The following BBS9 variants were observed in gnomAD, a reference collection of about 807,000 sequenced individuals.
The protein encoded by BBS9 is Bardet-Biedl syndrome 9.
In BBS9, 89 loss-of-function variants were observed where a neutral mutation model predicts 117.7. The ratio of observed to expected loss-of-function variants is 0.76; its 90% CI spans 0.64 to 0.90. BBS9 has a LOEUF of 0.90. Among genes scored for constraint, BBS9 ranks in the 40% least tolerant of loss-of-function variants. BBS9 has a pLI of 0.00. For missense variants in BBS9, 982 were observed against 1,042.2 expected (o/e 0.94, Z 0.80); for synonymous variants, 379 against 370.9 (o/e 1.02, Z -0.25).
intron 20 of BBS9, among the ~76,000 whole-genome samples, chr7:33,527,614 G>A (rs1325728077): frequency 6.6e-6 from 1 of 152,144 alleles, no homozygotes; most frequent in African/African-American, 2.4e-5. Flanking sequence ...GCTCGCGCAC[G>A]GTGCGCACAC....
intron 9 of BBS9, among the ~76,000 whole-genome samples, chr7:33,278,828 G>T (rs998884012): frequency 1.3e-5 from 2 of 152,190 alleles, no homozygotes; most frequent in Non-Finnish European, 2.9e-5. Flanking sequence ...TGCAAGGGTG[G>T]ATCCTGGATA....
At chr7:33,211,357 G>T (rs915123194) in intron 5 of BBS9, among the ~76,000 whole-genome samples, 2 of 151,824 alleles carry the variant, frequency 1.3e-5, no homozygotes, top group Admixed American at 1.3e-4. Flanking sequence ...TTCCTGTGAG[G>T]CTTGCAAAGA....
chr7:33,563,325 G>C (rs909484741), intron 21 of BBS9, among the ~76,000 whole-genome samples: 1 of 152,086 alleles, frequency 6.6e-6, no homozygotes, highest in African/African-American at 2.4e-5. Flanking sequence ...TCTGGAAATG[G>C]GTTTATTGTT....
intron 19 of BBS9, among the ~76,000 whole-genome samples, chr7:33,486,420 G>A (rs1843119441): frequency 6.6e-6 from 1 of 152,162 alleles, no homozygotes; most frequent in Non-Finnish European, 1.5e-5. Context: ...AGAAAAAGCT[G>A]TAAAGAAATT....
chr7:33,232,218 AT>A (rs1242035857), intron 5 of BBS9, among the ~76,000 whole-genome samples: 1 of 152,132 alleles, frequency 6.6e-6, no homozygotes, highest in Non-Finnish European at 1.5e-5. Flanking sequence ...AATCTTTCTG[AT>A]TTAGTTATCA....
At chr7:33,194,280 G>A (rs1436018593) in intron 5 of BBS9, among the ~76,000 whole-genome samples, 1 of 151,938 alleles carries the variant, frequency 6.6e-6, no homozygotes, top group East Asian at 1.9e-4. Context: ...TCAGAATTTT[G>A]TTTATTCACA....
chr7:33,179,370 G>A (rs947048047), intron 5 of BBS9, among the ~76,000 whole-genome samples: 14 of 152,122 alleles, frequency 9.2e-5, no homozygotes, highest in African/African-American at 3.1e-4. Context: ...GGAGGTGAGC[G>A]GCAGGTGAGT....
At chr7:33,520,302 G>T (rs1336138775) in intron 20 of BBS9, among the ~76,000 whole-genome samples, 1 of 152,138 alleles carries the variant, frequency 6.6e-6, no homozygotes, top group African/African-American at 2.4e-5. Flanking sequence ...GTGAGCCACT[G>T]TGCCCGGCCC....
At chr7:33,294,385 C>T (rs1562951260) in intron 9 of BBS9, among the ~76,000 whole-genome samples, 1 of 151,878 alleles carries the variant, frequency 6.6e-6, no homozygotes, top group Non-Finnish European at 1.5e-5. Context: ...ATCCATCCAT[C>T]CATCCATCCA....
chr7:33,182,869 G>C (rs1219401587), intron 5 of BBS9, among the ~76,000 whole-genome samples: 1 of 151,992 alleles, frequency 6.6e-6, no homozygotes, highest in Non-Finnish European at 1.5e-5. Context: ...CAAAATTAAG[G>C]GTTCCATTTT....
intron 20 of BBS9, among the ~76,000 whole-genome samples, chr7:33,526,321 C>T (rs1411781612): frequency 6.6e-6 from 1 of 152,306 alleles, no homozygotes; most frequent in East Asian, 1.9e-4. Flanking sequence ...GGAAATTCTC[C>T]TGGATAATAT....
chr7:33,567,668 C>T (rs930624310), intron 21 of BBS9, among the ~76,000 whole-genome samples: 6 of 152,162 alleles, frequency 3.9e-5, no homozygotes, highest in African/African-American at 1.4e-4. Flanking sequence ...TTTGAATTCT[C>T]ACCAGGTCTT....
At chr7:33,502,058 T>A (rs950266894) in intron 19 of BBS9, among the ~76,000 whole-genome samples, 3 of 152,126 alleles carry the variant, frequency 2.0e-5, no homozygotes, top group Admixed American at 6.5e-5. Flanking sequence ...TACAGGCACG[T>A]GCCACCATGC....
intron 5 of BBS9, among the ~76,000 whole-genome samples, chr7:33,179,636 G>T (rs1797822323): frequency 6.6e-6 from 1 of 151,984 alleles, no homozygotes; most frequent in African/African-American, 2.4e-5. Context: ...ATCCTACACT[G>T]TGTCGAGTTG....
intron 20 of BBS9, among the ~76,000 whole-genome samples, chr7:33,515,566 G>C (rs1004332966): frequency 1.3e-5 from 2 of 152,170 alleles, no homozygotes; most frequent in Non-Finnish European, 2.9e-5. Flanking sequence ...AAGTTAAGAA[G>C]CCTCTGTTCA....
chr7:33,605,961 A>C lies in BBS9; in HGVS notation c.*735A>C, dbSNP rs2129210225. On this transcript the variant is annotated 3_prime_UTR_variant, in exon 23 of 23. Transcript: ENST00000242067. ...AAGGATTCACACTTTATTACAGTTA[A>C]AATTTAAGGTTTTTATGTGTAAGAA... is the stretch of plus-strand genomic sequence containing the variant. The C allele has an allele frequency of 6.6e-6, 1 of 152,302 alleles. No homozygotes were observed. Among genetic ancestry groups the C allele is most frequent in the South Asian group, 2.1e-4 (1 of 4,822 alleles). 9.4% of individuals were successfully genotyped at this position (152,302 alleles called of 1,614,324 possible).
chr7:33,273,188 T>A lies in BBS9; in HGVS notation c.879T>A (p.Tyr293Ter). ...GGAGCCCAAGTTGTTTTCTGCCATA[T>A]TGCTCAGGTGTGTAGAAAGATTTTC... ...LDWSPSCFLP[Y>*]CSVSEGTINT... The change falls in exon 8 of 23, where the codon TAT (tyrosine) becomes TAA (stop). Residue 293 changes from tyrosine to a stop codon, truncating the protein, a stop_gained. Coordinates refer to ENST00000242067, the MANE Select transcript of BBS9 (RefSeq NM_198428.3). LOFTEE classifies it high-confidence loss of function. 1 of 1,613,752 alleles carries A rather than the reference T, an allele frequency of 6.2e-7. No individual in the cohort carries two copies. Among genetic ancestry groups the A allele is most frequent in the Non-Finnish European group, 8.5e-7 (1 of 1,179,770 alleles).
intron 5 of BBS9, among the ~76,000 whole-genome samples, chr7:33,182,846 G>A (rs1249861983): frequency 2.0e-5 from 3 of 152,064 alleles, no homozygotes; most frequent in South Asian, 2.1e-4. Context: ...GGTGGAAGGC[G>A]AAACAGATCC....
chr7:33,534,124 CCGTCT>C lies in BBS9; in HGVS notation c.2471_2475del (p.Arg824LeufsTer53). The C allele has an allele frequency of 1.9e-6, 3 of 1,614,180 alleles. No individual in the cohort carries two copies. Among genetic ancestry groups the C allele is most frequent in the Non-Finnish European group, 2.5e-6 (3 of 1,180,044 alleles). Reference sequence around the variant, plus strand: ...TCTGCGATAGATTATCCAAAGGTGGCCGTCTCTGCCTAAGTACCGATGCAGCAGCC... The same window carrying C: ...TCTGCGATAGATTATCCAAAGGTGGCCTGCCTAAGTACCGATGCAGCAGCC... On this transcript the variant is annotated frameshift_variant, in exon 21 of 23. Transcript: ENST00000242067. LOFTEE classifies it high-confidence loss of function.
Sources: allele counts gnomAD v4.1 joint callset (sites outside exome capture counted in the v4.1 genomes callset), GRCh38; gene constraint gnomAD v4.1.1; transcripts MANE v1.5; gene names NCBI Gene and HGNC (gene_info 2026-07-23, HGNC 2026-07-21).